TMEM108: variants seen among roughly 807,000 people sequenced by gnomAD.
TMEM108 encodes the protein transmembrane protein 108, also known as cancer/testis antigen 124.
TMEM108 carries 12 observed loss-of-function variants against 35.1 expected under a neutral mutation model. The ratio of observed to expected loss-of-function variants is 0.34; its 90% confidence interval spans 0.22 to 0.55. The LOEUF is 0.55. Ranked by LOEUF, TMEM108 falls within the 20% of genes least tolerant of loss-of-function variation. TMEM108 has a pLI of 0.89. For synonymous variants in TMEM108, 287 were observed against 308.6 expected (o/e 0.93, Z 0.73); for missense variants, 680 against 753.3 (o/e 0.90, Z 1.14).
At chr3:133,234,668 G>A (rs1253722335) in intron 3 of TMEM108, among the ~76,000 whole-genome samples, 1 of 152,130 alleles carries the variant, frequency 6.6e-6, no homozygotes, top group Admixed American at 6.5e-5. Flanking sequence ...AAAACTGGAA[G>A]CATTCCCTTT....
chr3:133,164,729 T>C (rs1301307479), intron 2 of TMEM108, among the ~76,000 whole-genome samples: 1 of 152,190 alleles, frequency 6.6e-6, no homozygotes, highest in African/African-American at 2.4e-5. Flanking sequence ...CTTGTGACCC[T>C]TGAATGAGAT....
At chr3:133,108,153 C>T (rs1944179412) in intron 2 of TMEM108, among the ~76,000 whole-genome samples, 1 of 152,110 alleles carries the variant, frequency 6.6e-6, no homozygotes, top group South Asian at 2.1e-4. Flanking sequence ...ATCACTTGAA[C>T]TCGGGAGGCG....
At chr3:133,158,706 G>C (rs1385082961) in intron 2 of TMEM108, among the ~76,000 whole-genome samples, 1 of 152,116 alleles carries the variant, frequency 6.6e-6, no homozygotes, top group Non-Finnish European at 1.5e-5. Context: ...CGGGAGATGT[G>C]AAGGAGCACT....
chr3:133,200,665 A>G (rs759826489), intron 2 of TMEM108, among the ~76,000 whole-genome samples: 2 of 152,170 alleles, frequency 1.3e-5, no homozygotes, highest in Admixed American at 1.3e-4. Flanking sequence ...TCTTATATCA[A>G]TGACTTCCCA....
intron 2 of TMEM108, among the ~76,000 whole-genome samples, chr3:133,123,715 G>A (rs960746556): frequency 4.6e-5 from 7 of 152,162 alleles, no homozygotes; most frequent in African/African-American, 1.7e-4. Flanking sequence ...GAAATTCAAA[G>A]GTTGCAAAAC....
intron 3 of TMEM108, among the ~76,000 whole-genome samples, chr3:133,242,955 T>C (rs1946333561): frequency 6.6e-6 from 1 of 152,156 alleles, no homozygotes; most frequent in Non-Finnish European, 1.5e-5. Context: ...ATTCCTTGGT[T>C]AGATGAAGAA....
In TMEM108 at chr3:133,380,561, G is replaced by C; in HGVS notation, c.850G>C (p.Ala284Pro). Reference sequence around the variant, plus strand: ...GGACAAGCCAGGCCTTCGCAGAGCAGCCCAGGGGGGTGGTTCTACCTTCAC... The same window carrying C: ...GGACAAGCCAGGCCTTCGCAGAGCACCCCAGGGGGGTGGTTCTACCTTCAC... The part of the protein sequence containing the change: ...AKDKPGLRRA[A>P]QGGGSTFTSQ... The change falls in exon 4 of 6, where the codon GCC becomes CCC. Residue 284 changes from alanine (A) to proline (P), a missense_variant. By Grantham distance (27) the Ala-to-Pro change is conservative. Coordinates refer to ENST00000321871, the MANE Select transcript of TMEM108 (RefSeq NM_023943.4). This position sits in a 1 kb window ranked among gnomAD's most constrained non-coding sequence, Gnocchi z 5.3. 2 of 1,613,704 alleles carry C rather than the reference G, an allele frequency of 1.2e-6. No homozygotes were observed. The highest frequency in any genetic ancestry group is 1.7e-6 in the Non-Finnish European group (2 of 1,179,820).
chr3:133,364,896 A>T (rs529904283), intron 3 of TMEM108, among the ~76,000 whole-genome samples: 3 of 152,162 alleles, frequency 2.0e-5, no homozygotes, highest in Non-Finnish European at 4.4e-5. Flanking sequence ...CAGGGGGGGA[A>T]GTTGGGCTGC....
rs374912360 is a variant in TMEM108 at position 133,130,165 on chromosome 3, TG to T, written c.-47+84146del. Among the ~76,000 whole-genome samples the T allele has an allele frequency of 8.8e-3, 1,335 of 152,298 alleles. 23 individuals are homozygous for T. Among genetic ancestry groups the T allele is most frequent in the African/African-American group, 0.031 (1,276 of 41,566 alleles). ...CATTTTGGTTTTTAAGAAATCCTGT[TG>T]TTTGGGCTTGTGGTTCTGTCTTTTA... On this transcript the variant is annotated intron_variant, in intron 2 of 5. Transcript: ENST00000321871.
At chr3:133,141,714 G>A (rs569316802) in intron 2 of TMEM108, among the ~76,000 whole-genome samples, 1 of 152,034 alleles carries the variant, frequency 6.6e-6, no homozygotes. Context: ...AATACCACAA[G>A]GCCCAAACAA....
At position 133,139,856 on chromosome 3, in the gene TMEM108, A is replaced by G. The variant is rs919135777; in HGVS notation, c.-46-89410A>G. ...GATAGTACCCTGGGCACTGTTTTCC[A>G]TGCCCTGTTCCAAATATAGTCAGCC... On this transcript the variant is annotated intron_variant, in intron 2 of 5. Transcript: ENST00000321871. 9.9e-5 allele frequency among the ~76,000 whole-genome samples: 15 copies of G among 152,136 alleles called. No homozygotes were observed. The South Asian group carries it at 1.0e-3, about 11-fold the overall frequency.
intron 2 of TMEM108, among the ~76,000 whole-genome samples, chr3:133,080,904 T>G (rs1943801483): frequency 6.6e-6 from 1 of 152,206 alleles, no homozygotes; most frequent in South Asian, 2.1e-4. Flanking sequence ...AAAAAGGAAC[T>G]CATCCTCTTC....
intron 2 of TMEM108, among the ~76,000 whole-genome samples, chr3:133,056,561 G>C (rs9849104): frequency 6.6e-6 from 1 of 151,878 alleles, no homozygotes; most frequent in East Asian, 1.9e-4. Context: ...GTATGCATAC[G>C]TGCTTGCTGA....
chr3:133,065,518 G>A (rs1943596511), intron 2 of TMEM108, among the ~76,000 whole-genome samples: 1 of 151,948 alleles, frequency 6.6e-6, no homozygotes, highest in Non-Finnish European at 1.5e-5. Context: ...TCCAGAAACA[G>A]GTTCTTTCTT....
chr3:133,354,849 C>T (rs2072113870), intron 3 of TMEM108, among the ~76,000 whole-genome samples: 1 of 150,706 alleles, frequency 6.6e-6, no homozygotes, highest in South Asian at 2.1e-4. Flanking sequence ...TTTTCCTTTA[C>T]ACATTCCTTT....
At chr3:133,066,388 T>TA (rs1354325068) in intron 2 of TMEM108, among the ~76,000 whole-genome samples, 1 of 151,836 alleles carries the variant, frequency 6.6e-6, no homozygotes, top group African/African-American at 2.4e-5. Context: ...CAAAGATTCA[T>TA]AAAAAATAAT....
intron 3 of TMEM108, among the ~76,000 whole-genome samples, chr3:133,325,076 G>A (rs780232895): frequency 1.6e-4 from 25 of 152,066 alleles, no homozygotes; most frequent in Non-Finnish European, 4.4e-5. Flanking sequence ...TGGAACCAGC[G>A]TAAATGCCCA....
intron 2 of TMEM108, among the ~76,000 whole-genome samples, chr3:133,055,224 C>A (rs1943452461): frequency 6.6e-6 from 1 of 152,076 alleles, no homozygotes; most frequent in Non-Finnish European, 1.5e-5. Context: ...ATGTAGATAA[C>A]CACACGTTGC....
At chr3:133,382,237 C>T (rs1173396471) in intron 4 of TMEM108, among the ~76,000 whole-genome samples, 1 of 152,246 alleles carries the variant, frequency 6.6e-6, no homozygotes, top group African/African-American at 2.4e-5. Context: ...ACAGCCCATT[C>T]TCCTCTGACC....
Sources: allele counts gnomAD v4.1 joint callset (sites outside exome capture counted in the v4.1 genomes callset), GRCh38; gene constraint gnomAD v4.1.1; non-coding constraint Gnocchi (gnomAD v3.1); transcripts MANE v1.5; gene names NCBI Gene and HGNC (gene_info 2026-07-23, HGNC 2026-07-21).